The following PRELID2 variants were observed in gnomAD, a reference collection of about 807,000 sequenced individuals.
PRELID2 encodes the protein PRELI domain containing 2, also known as PRELI domain-containing protein 2.
Under a neutral mutation model 28.4 loss-of-function variants are expected in PRELID2, and 25 were observed. The observed-to-expected ratio is 0.88, with a 90% CI of 0.64 to 1.23. The LOEUF (loss-of-function observed/expected upper bound fraction) is 1.23, where lower values mean the gene tolerates loss of function less well. Among genes scored for constraint, PRELID2 ranks in the 50% most tolerant of loss-of-function variants. The pLI, the probability that PRELID2 is intolerant of heterozygous loss-of-function variation, is 0.00. For synonymous variants in PRELID2, 76 were observed against 71.6 expected (o/e 1.06, Z -0.31); for missense variants, 201 against 214.4 (o/e 0.94, Z 0.39).
chr5:145,310,607 C>T, the PRELID2 span, among the ~76,000 whole-genome samples: 1 of 152,288 alleles, frequency 6.6e-6, no homozygotes, highest in East Asian at 1.9e-4. Context: ...GCCACATCTT[C>T]CTTCCATCCC....
At chr5:145,271,626 A>G in the PRELID2 span, among the ~76,000 whole-genome samples, 1 of 152,296 alleles carries the variant, frequency 6.6e-6, no homozygotes, top group African/African-American at 2.4e-5. Context: ...GTGTATTAAA[A>G]GCAGGAGAAG....
chr5:145,510,035 A>G (rs1048840423), intron 1 of PRELID2, among the ~76,000 whole-genome samples: 1 of 152,220 alleles, frequency 6.6e-6, no homozygotes, highest in Non-Finnish European at 1.5e-5. Context: ...AGCAAGTTAC[A>G]TAACTTATCG....
the PRELID2 span, among the ~76,000 whole-genome samples, chr5:145,396,121 C>T: frequency 2.3e-4 from 35 of 152,196 alleles, no homozygotes; most frequent in East Asian, 3.9e-3. Context: ...TTTACAAGAC[C>T]GCTTAATACT....
intron 1 of PRELID2, among the ~76,000 whole-genome samples, chr5:145,535,811 C>A (rs1752693347): frequency 6.6e-6 from 1 of 151,918 alleles, no homozygotes; most frequent in South Asian, 2.1e-4. Context: ...TAGTTTATTT[C>A]TCTTTTTCAC....
chr5:145,653,086 G>C (rs1408890981), intron 1 of PRELID2, among the ~76,000 whole-genome samples: 1 of 151,888 alleles, frequency 6.6e-6, no homozygotes, highest in African/African-American at 2.4e-5. Context: ...ACAAAAAAAG[G>C]CAGGGGTTGC....
chr5:145,649,991 T>C lies in PRELID2; in HGVS notation n.70+114940A>G, dbSNP rs191600306. On this transcript the variant is annotated intron_variant and non_coding_transcript_variant, in intron 1 of 2. Transcript: ENST00000510259. ...TATTATATATTACACATGAGAAATG[T>C]AGAAAATATCTGAGACTCTGAAGGA... Among the ~76,000 whole-genome samples the C allele has an allele frequency of 7.9e-5, 12 of 152,332 alleles. 1 individual carries two copies. The highest frequency in any genetic ancestry group is 2.9e-4 in the African/African-American group (12 of 41,586).
chr5:145,365,115 G>A, the PRELID2 span, among the ~76,000 whole-genome samples: 42 of 152,060 alleles, frequency 2.8e-4, 1 homozygote, highest in East Asian at 4.8e-3. Context: ...GGATTCAAGT[G>A]AATGGGGAAA....
At chr5:145,410,270 G>A in the PRELID2 span, among the ~76,000 whole-genome samples, 1 of 152,074 alleles carries the variant, frequency 6.6e-6, no homozygotes, top group Non-Finnish European at 1.5e-5. Flanking sequence ...TTATGACCAA[G>A]AATCCAAAAG....
intron 4 of PRELID2, among the ~76,000 whole-genome samples, chr5:145,799,041 T>A (rs1205030030): frequency 1.1e-4 from 17 of 149,734 alleles, no homozygotes; most frequent in Admixed American, 1.0e-3. Flanking sequence ...TATATATATA[T>A]AAAAGACTCA....
At chr5:145,264,734 G>T in the PRELID2 span, among the ~76,000 whole-genome samples, 3 of 152,028 alleles carry the variant, frequency 2.0e-5, no homozygotes, top group Non-Finnish European at 4.4e-5. Flanking sequence ...TGCAATTTGG[G>T]AGGCCGAGGT....
chr5:145,618,447 C>G (rs1354935493), intron 1 of PRELID2, among the ~76,000 whole-genome samples: 5 of 152,144 alleles, frequency 3.3e-5, no homozygotes, highest in African/African-American at 1.2e-4. Context: ...TGATTGTTAT[C>G]TCTCCTCTGG....
At chr5:145,830,453 G>T (rs1243510155) in intron 1 of PRELID2, among the ~76,000 whole-genome samples, 22 of 152,132 alleles carry the variant, frequency 1.4e-4, no homozygotes, top group Admixed American at 1.4e-3. Context: ...CCATTAAAAA[G>T]GTCTAAGTGA....
At chr5:145,741,429 T>C (rs1383619933) in intron 1 of PRELID2, among the ~76,000 whole-genome samples, 71 of 114,108 alleles carry the variant, frequency 6.2e-4, no homozygotes, top group South Asian at 4.6e-3. Flanking sequence ...TTTATTTATA[T>C]ATAAACAAAA....
At chr5:145,274,851 G>A in the PRELID2 span, among the ~76,000 whole-genome samples, 10 of 152,084 alleles carry the variant, frequency 6.6e-5, no homozygotes, top group Non-Finnish European at 1.0e-4. Context: ...ACCACAGACT[G>A]GGTGGCTTAA....
At chr5:145,323,230 A>C in the PRELID2 span, among the ~76,000 whole-genome samples, 2 of 151,900 alleles carry the variant, frequency 1.3e-5, no homozygotes, top group Non-Finnish European at 2.9e-5. Context: ...AGGGCATGGC[A>C]GGGGACCTGA....
chr5:145,383,899 T>G, the PRELID2 span, among the ~76,000 whole-genome samples: 2 of 152,082 alleles, frequency 1.3e-5, no homozygotes, highest in African/African-American at 4.8e-5. Flanking sequence ...TATATATATG[T>G]GTGTGTGTAT....
At chr5:145,696,156 C>CA (rs1755256795) in intron 1 of PRELID2, among the ~76,000 whole-genome samples, 1 of 60,010 alleles carries the variant, frequency 1.7e-5, no homozygotes, top group East Asian at 6.2e-4. Flanking sequence ...TAAATAATAG[C>CA]TTTTTTTTTT....
chr5:145,395,074 T>G, the PRELID2 span, among the ~76,000 whole-genome samples: 22 of 152,244 alleles, frequency 1.4e-4, no homozygotes, highest in East Asian at 4.2e-3. Context: ...TAATAGTAAA[T>G]ATTTATTGTA....
At chr5:145,289,699 A>G in the PRELID2 span, among the ~76,000 whole-genome samples, 2 of 152,308 alleles carry the variant, frequency 1.3e-5, no homozygotes, top group Middle Eastern at 6.8e-3. Flanking sequence ...TGGTAGTCTC[A>G]TTTTGCATCT....
Sources: gnomAD v4.1 joint callset for allele counts (sites outside exome capture counted in the v4.1 genomes callset) on GRCh38, gnomAD v4.1.1 for gene constraint, MANE v1.5 for transcripts, NCBI Gene and HGNC (gene_info 2026-07-23, HGNC 2026-07-21) for gene names.